The following PAPLN variants were observed in gnomAD, a reference collection of about 807,000 sequenced individuals.
PAPLN encodes the protein papilin.
A neutral mutation model predicts 159.0 loss-of-function variants in PAPLN; 146 were observed. That is an observed-to-expected ratio of 0.92 (90% CI 0.80 to 1.05). The LOEUF (loss-of-function observed/expected upper bound fraction) is 1.05. Among genes scored for constraint, PAPLN ranks in the 50% least tolerant of loss-of-function variants. The pLI is 0.00. For synonymous variants in PAPLN, 734 were observed against 702.9 expected (o/e 1.04, Z -0.70); for missense variants, 1,720 against 1,743.9 (o/e 0.99, Z 0.24).
chr14:73,242,015 G>A (rs914764356), intron 2 of PAPLN, among the ~76,000 whole-genome samples: 3 of 152,264 alleles, frequency 2.0e-5, no homozygotes, highest in African/African-American at 7.2e-5. Flanking sequence ...AGGTGAGGCT[G>A]GCTGTATCAG....
At chr14:73,259,083 A>G in intron 15 of PAPLN, 24 bp downstream of exon 15, 1 of 1,594,608 alleles carries the variant, frequency 6.3e-7, no homozygotes, top group South Asian at 1.1e-5. Flanking sequence ...CCCGTCCCCC[A>G]CTCAGAGCCC....
chr14:73,250,669 G>T (rs1189607622), intron 6 of PAPLN, among the ~76,000 whole-genome samples: 1 of 152,162 alleles, frequency 6.6e-6, no homozygotes, highest in Non-Finnish European at 1.5e-5. Flanking sequence ...AAACTCTGCG[G>T]GAGAGAGGTG....
intron 2 of PAPLN, among the ~76,000 whole-genome samples, chr14:73,242,045 A>G (rs1391658040): frequency 6.6e-6 from 1 of 152,282 alleles, no homozygotes; most frequent in South Asian, 2.1e-4. Context: ...GCTTCACGCC[A>G]TGTCGGGCAG....
chr14:73,246,628 C>A (rs1594784191), intron 5 of PAPLN, among the ~76,000 whole-genome samples: 1 of 141,910 alleles, frequency 7.0e-6, no homozygotes, highest in Non-Finnish European at 1.5e-5. Flanking sequence ...TTTTCTTTTC[C>A]TTTTTCTTTC....
At chr14:73,258,110 T>A (rs1218554913) in intron 14 of PAPLN, among the ~76,000 whole-genome samples, 6 of 152,222 alleles carry the variant, frequency 3.9e-5, no homozygotes, top group Admixed American at 6.5e-5. Flanking sequence ...CCAATTTTTT[T>A]AAATATGGAA....
chr14:73,253,970 C>T lies in PAPLN; in HGVS notation c.1302+9C>T. ...CGGAGCCCTGGGGAGAGGTCAGGCCCCTGGCCCGCATGGGGCTGGTGCTGG... is the reference window on the plus strand; with the variant it reads ...CGGAGCCCTGGGGAGAGGTCAGGCCTCTGGCCCGCATGGGGCTGGTGCTGG... On this transcript the variant is annotated intron_variant, in intron 12 of 26. Transcript: ENST00000644200. The T allele has an allele frequency of 1.2e-6, 2 of 1,605,092 alleles. No individual in the cohort carries two copies. Among genetic ancestry groups the T allele is most frequent in the Non-Finnish European group, 1.7e-6 (2 of 1,176,744 alleles).
chr14:73,263,003 G>A (rs1374623840), intron 19 of PAPLN, 176 bp downstream of exon 19: 8 of 529,646 alleles, frequency 1.5e-5, no homozygotes, highest in Non-Finnish European at 2.4e-5. Flanking sequence ...AGAAGCTGGG[G>A]CTTCAGAGAC....
At chr14:73,266,065 G>A (rs370095712) in intron 23 of PAPLN, among the ~76,000 whole-genome samples, 1 of 152,170 alleles carries the variant, frequency 6.6e-6, no homozygotes, top group African/African-American at 2.4e-5. Context: ...TCGGCCAGTC[G>A]CAGTGGCTCA....
At chr14:73,258,087 T>C (rs1886133474) in intron 14 of PAPLN, among the ~76,000 whole-genome samples, 1 of 152,230 alleles carries the variant, frequency 6.6e-6, no homozygotes, top group African/African-American at 2.4e-5. Context: ...TTTCTATCCC[T>C]TTGTCTATTC....
chr14:73,256,530 CT>C (rs1885926157), intron 14 of PAPLN, among the ~76,000 whole-genome samples: 1 of 70,822 alleles, frequency 1.4e-5, no homozygotes, highest in Non-Finnish European at 2.5e-5. Flanking sequence ...GAGACTCTGT[CT>C]CAAAAAAAAA....
At chr14:73,257,242 G>A (rs1886015875) in intron 14 of PAPLN, among the ~76,000 whole-genome samples, 1 of 152,114 alleles carries the variant, frequency 6.6e-6, no homozygotes, top group Non-Finnish European at 1.5e-5. Context: ...AAAGTGCTGG[G>A]ATTACAGGTG....
At chr14:73,237,278 G>A (rs1883088097), upstream of PAPLN, among the ~76,000 whole-genome samples, 1 of 152,188 alleles carries the variant, frequency 6.6e-6, no homozygotes, top group Admixed American at 6.5e-5. Context: ...GGTGACTGGC[G>A]CTGACCCAAG....
In PAPLN at chr14:73,250,996, C is replaced by T. The variant is rs147575252; in HGVS notation, c.555C>T (p.Val185=). Residue 185 remains valine (V), a synonymous_variant, in exon 7 of 27, where the codon GTC becomes GTT. Coordinates refer to ENST00000644200, the MANE Select transcript of PAPLN (RefSeq NM_001365906.3). ...GTGACGGCACGACCTGCTACCCCGT[C>T]GCAGGCACCTTTGACGCTAATGACC... ...CGGDGTTCYP[V]AGTFDANDLS... is the part of the protein sequence containing the mutation. 2.4e-3 allele frequency: 3,809 copies of T among 1,613,480 alleles called. 85 individuals carry two copies. Among genetic ancestry groups the T allele is most frequent in the Non-Finnish European group, 6.8e-4 (802 of 1,179,796 alleles).
intron 5 of PAPLN, among the ~76,000 whole-genome samples, chr14:73,248,106 T>TGTGTGTGCGC (rs139626596): frequency 1.1e-4 from 9 of 78,506 alleles, no homozygotes; most frequent in African/African-American, 4.6e-4. Context: ...TGTGTGTGTG[T>TGTGTGTGCGC]GCGCGTGTGT....
Position 73,246,168 on chromosome 14 carries a change from C to T in PAPLN, c.327C>T (p.Tyr109=). The part of the protein sequence containing the change: ...FQGRRYRWLP[Y]YSAPNKCELN... ...GGCGGCGGTATCGGTGGCTGCCCTACTACAGCGGTGAGCGCGGCCGGGACT... is the reference window on the plus strand; with the variant it reads ...GGCGGCGGTATCGGTGGCTGCCCTATTACAGCGGTGAGCGCGGCCGGGACT... The change falls in exon 5 of 27, where the codon TAC becomes TAT. Residue 109 remains tyrosine (Y), a synonymous_variant. Transcript: ENST00000644200. 1 of 1,582,374 alleles carries T rather than the reference C, an allele frequency of 6.3e-7. No individual in the cohort carries two copies. The highest frequency in any genetic ancestry group is 8.6e-7 in the Non-Finnish European group (1 of 1,168,308).
At chr14:73,242,230 G>A (rs1015812656) in intron 2 of PAPLN, among the ~76,000 whole-genome samples, 1 of 152,240 alleles carries the variant, frequency 6.6e-6, no homozygotes, top group Non-Finnish European at 1.5e-5. Context: ...GGCACAGGAG[G>A]CAAGAGGGCA....
chr14:73,259,085 T>G, intron 15 of PAPLN, 26 bp downstream of exon 15: 1 of 1,593,108 alleles, frequency 6.3e-7, no homozygotes, highest in South Asian at 1.1e-5. Context: ...CGTCCCCCAC[T>G]CAGAGCCCTG....
Position 73,272,538 on chromosome 14 carries a change from C to T in PAPLN, c.3711C>T (p.Asp1237=), listed in dbSNP as rs1375890521. The change falls in exon 27 of 27, where the codon GAC becomes GAT. Residue 1237 remains aspartate (D), a synonymous_variant. Coordinates refer to ENST00000644200, the MANE Select transcript of PAPLN (RefSeq NM_001365906.3). ...QPRDPGRDCV[D]QPELANCDLI... ...GGGACCCTGGCAGGGACTGCGTCGA[C>T]CAGCCAGAGCTGGCCAACTGTGATT... 2 of 1,587,080 alleles carry T rather than the reference C, an allele frequency of 1.3e-6. No individual in the cohort carries two copies.
rs1438037425 is a variant in PAPLN at position 73,274,428 on chromosome 14, ACTGG to A, written c.*1769_*1772del. The A allele has an allele frequency of 6.6e-6, 1 of 152,186 alleles. No homozygotes were observed. The highest frequency in any genetic ancestry group is 2.4e-5 in the African/African-American group (1 of 41,434). The allele number at this position is 152,186 out of a possible 1,614,324, so 9.4% of individuals were successfully genotyped here. A position where few individuals can be genotyped will look rare whatever the true frequency, so the allele number is the denominator to read the frequency against. On this transcript the variant is annotated 3_prime_UTR_variant, in exon 27 of 27. Transcript: ENST00000644200. ...GAAAGGTGACTTTTATTACCAACAC[ACTGG>A]CTGGAAAAGGGACAAACCACATCAC...
Sources: gnomAD v4.1 joint callset for allele counts (sites outside exome capture counted in the v4.1 genomes callset) on GRCh38, gnomAD v4.1.1 for gene constraint, MANE v1.5 for transcripts, NCBI Gene and HGNC (gene_info 2026-07-23, HGNC 2026-07-21) for gene names.